The following PALM2AKAP2 variants were observed in gnomAD, a reference collection of about 807,000 sequenced individuals.
PALM2AKAP2 encodes the protein PALM2-AKAP2 fusion protein.
Under a neutral mutation model 71.5 loss-of-function variants are expected in PALM2AKAP2, and 37 were observed. The ratio of observed to expected loss-of-function variants is 0.52; its 90% CI spans 0.40 to 0.68. PALM2AKAP2 has a LOEUF of 0.68. Among genes scored for constraint, PALM2AKAP2 ranks in the 30% least tolerant of loss-of-function variants. PALM2AKAP2 has a pLI of 0.00. For synonymous variants in PALM2AKAP2, 468 were observed against 478.8 expected (o/e 0.98, Z 0.29); for missense variants, 1,224 against 1,191.8 (o/e 1.03, Z -0.40).
upstream of PALM2AKAP2, among the ~76,000 whole-genome samples, chr9:109,778,452 G>GA (rs36068874): frequency 6.6e-6 from 1 of 152,174 alleles, no homozygotes; most frequent in East Asian, 1.9e-4. Flanking sequence ...GCTTGTGCTG[G>GA]AAATGAAGAA....
At chr9:109,824,520 C>T (rs1449837584) in intron 1 of PALM2AKAP2, among the ~76,000 whole-genome samples, 1 of 152,172 alleles carries the variant, frequency 6.6e-6, no homozygotes, top group Non-Finnish European at 1.5e-5. Context: ...GTTCTGCTTT[C>T]ACAGAGCATA....
chr9:110,105,363 T>G (rs1375702754), intron 1 of PALM2AKAP2, among the ~76,000 whole-genome samples: 1 of 152,114 alleles, frequency 6.6e-6, no homozygotes, highest in Non-Finnish European at 1.5e-5. Flanking sequence ...TACTTAAAAC[T>G]TGGTTGCTTT....
chr9:110,085,228 G>A (rs753370335), intron 1 of PALM2AKAP2, among the ~76,000 whole-genome samples: 14 of 152,108 alleles, frequency 9.2e-5, no homozygotes, highest in Non-Finnish European at 1.6e-4. Flanking sequence ...CTATGTAACT[G>A]TATGTCTTTA....
intron 1 of PALM2AKAP2, among the ~76,000 whole-genome samples, chr9:109,649,927 A>G (rs1827202693): frequency 6.6e-6 from 1 of 152,222 alleles, no homozygotes; most frequent in South Asian, 2.1e-4. Flanking sequence ...GAGGGTAGAC[A>G]GATTTTTGGT....
At chr9:110,074,449 G>C (rs1334541864) in intron 1 of PALM2AKAP2, among the ~76,000 whole-genome samples, 1 of 152,104 alleles carries the variant, frequency 6.6e-6, no homozygotes, top group East Asian at 1.9e-4. Flanking sequence ...AACATCATTG[G>C]GACCAAGATT....
intron 1 of PALM2AKAP2, among the ~76,000 whole-genome samples, chr9:110,120,780 C>T (rs922628888): frequency 1.3e-5 from 2 of 152,248 alleles, no homozygotes; most frequent in South Asian, 2.1e-4. Context: ...GCCGGGATTA[C>T]AGGCATAAGC....
rs558896525 is a variant in PALM2AKAP2, at chr9:109,853,915, A to C, written c.46-13576A>C. On this transcript the variant is annotated intron_variant, in intron 1 of 9. Transcript: ENST00000302798. ...ATTCTTGCTTTAACTGGAGCTTCCT[A>C]CTGGAGCATCCTAGGTGGGCTCTCA... Among the ~76,000 whole-genome samples the C allele has an allele frequency of 2.0e-5, 3 of 152,194 alleles. No homozygotes were observed. The South Asian group carries it at 6.2e-4, about 32-fold the overall frequency.
chr9:110,081,439 A>G (rs903385950), intron 1 of PALM2AKAP2, among the ~76,000 whole-genome samples: 2 of 152,204 alleles, frequency 1.3e-5, no homozygotes, highest in African/African-American at 2.4e-5. Context: ...GCCTATAAAC[A>G]TAGATTCCTT....
chr9:110,133,700 A>G (rs1035582551), intron 1 of PALM2AKAP2, among the ~76,000 whole-genome samples: 4 of 151,732 alleles, frequency 2.6e-5, no homozygotes, highest in Non-Finnish European at 4.4e-5. Context: ...GGATAGAAGG[A>G]GAGCTCTGTT....
intron 5 of PALM2AKAP2, among the ~76,000 whole-genome samples, chr9:109,930,521 C>T (rs929514458): frequency 1.3e-5 from 2 of 152,118 alleles, no homozygotes; most frequent in Non-Finnish European, 2.9e-5. Flanking sequence ...CCACCGCGCC[C>T]GGCGAAAAAT....
intron 1 of PALM2AKAP2, 76 bp from the exon 8 acceptor site, chr9:110,136,051 T>C: frequency 6.7e-7 from 1 of 1,482,928 alleles, no homozygotes; most frequent in Non-Finnish European, 9.0e-7. Context: ...CTCTTAATTA[T>C]GAGTCAGTTT....
chr9:109,943,080 C>T, intron 6 of PALM2AKAP2: 3 of 1,614,250 alleles, frequency 1.9e-6, no homozygotes, highest in East Asian at 2.2e-5. Flanking sequence ...CCCAAGCCCC[C>T]AGCGCTGCAG....
At chr9:109,703,141 A>G (rs1169154804) in intron 1 of PALM2AKAP2, among the ~76,000 whole-genome samples, 1 of 152,182 alleles carries the variant, frequency 6.6e-6, no homozygotes, top group Admixed American at 6.5e-5. Flanking sequence ...TTTCTAAAAG[A>G]CATTTCCCAT....
exon 4 of PALM2AKAP2, chr9:110,168,485 A>G: frequency 3.7e-6 from 6 of 1,614,160 alleles, no homozygotes; most frequent in Non-Finnish European, 5.1e-6. Context: ...AGGAGGAAGA[A>G]GACAACGAAT....
In PALM2AKAP2 at chr9:110,003,197, C is replaced by T. The variant is rs1489585835; in HGVS notation, c.497-12757C>T. On this transcript the variant is annotated intron_variant, in intron 6 of 9. Coordinates refer to the PALM2AKAP2 transcript ENST00000302798. ...GCTATAAATTTCCCTCTACACACTG[C>T]TTTGAATGTGTCCCAGAGATTCTGG... Among the ~76,000 whole-genome samples, 7 of 152,044 alleles carry T rather than the reference C, an allele frequency of 4.6e-5. No individual in the cohort carries two copies. The East Asian group carries it at 9.7e-4, about 21-fold the overall frequency.
At chr9:109,799,592 C>T (rs1388627151) in intron 1 of PALM2AKAP2, among the ~76,000 whole-genome samples, 1 of 152,214 alleles carries the variant, frequency 6.6e-6, no homozygotes, top group Non-Finnish European at 1.5e-5. Flanking sequence ...CACCTGCGCT[C>T]AAGTGATCCT....
At chr9:109,934,416 C>G (rs549491324) in intron 6 of PALM2AKAP2, among the ~76,000 whole-genome samples, 1 of 152,288 alleles carries the variant, frequency 6.6e-6, no homozygotes, top group African/African-American at 2.4e-5. Context: ...TAGAAAGTCA[C>G]TGTTATTTCC....
chr9:110,104,227 C>T lies in PALM2AKAP2; in HGVS notation c.157-31900C>T, dbSNP rs983492857. 2.4e-4 allele frequency among the ~76,000 whole-genome samples: 36 copies of T among 152,080 alleles called. No homozygotes were observed. In the South Asian group the frequency reaches 3.7e-3, roughly 16 times the overall value. On this transcript the variant is annotated intron_variant, in intron 1 of 3. Coordinates refer to ENST00000374525, the Ensembl canonical transcript of PALM2AKAP2. ...TATCGTATTTTGAGTTCAATCTGGT[C>T]GCAAACTGGATTCTGTCCAGATTTT... is the stretch of plus-strand genomic sequence containing the variant.
chr9:110,168,339 G>T, intron 3 of PALM2AKAP2, 60 bp from the exon 11 acceptor site: 1 of 1,568,428 alleles, frequency 6.4e-7, no homozygotes, highest in Non-Finnish European at 8.7e-7. Flanking sequence ...CAGAGAAGTC[G>T]GTTTATGTTC....
Sources: allele counts gnomAD v4.1 joint callset (sites outside exome capture counted in the v4.1 genomes callset), GRCh38; gene constraint gnomAD v4.1.1; transcripts MANE v1.5; gene names NCBI Gene and HGNC (gene_info 2026-07-23, HGNC 2026-07-21).